SREBF2: variants seen among roughly 807,000 people sequenced by gnomAD.
The protein encoded by SREBF2 is sterol regulatory element-binding protein 2.
In SREBF2, 55 loss-of-function variants were observed where a neutral mutation model predicts 113.1. That is an observed-to-expected ratio of 0.49 (90% CI 0.39 to 0.61). The LOEUF (loss-of-function observed/expected upper bound fraction) is 0.61, where lower values mean the gene tolerates loss of function less well. Among genes scored for constraint, SREBF2 ranks in the 20% least tolerant of loss-of-function variants. The pLI, the probability that SREBF2 is intolerant of heterozygous loss-of-function variation, is 0.00. For missense variants in SREBF2, 1,349 were observed against 1,487.4 expected, an observed-to-expected ratio of 0.91 and a Z score of 1.53; for synonymous variants, 593 against 605.7, an observed-to-expected ratio of 0.98 and a Z score of 0.31.
intron 1 of SREBF2, among the ~76,000 whole-genome samples, chr22:41,851,932 A>G (rs2076935740): frequency 6.6e-6 from 1 of 152,094 alleles, no homozygotes; most frequent in Non-Finnish European, 1.5e-5. Flanking sequence ...CATCCTGGCT[A>G]ACACGGTGAA....
chr22:41,864,251 T>TACACACAC (rs1263929749), intron 1 of SREBF2, among the ~76,000 whole-genome samples: 1 of 94,854 alleles, frequency 1.1e-5, no homozygotes, highest in African/African-American at 4.2e-5. Context: ...TATATATATA[T>TACACACAC]ATATATATAT....
chr22:41,889,865 G>A (rs1044721851), intron 11 of SREBF2, among the ~76,000 whole-genome samples: 8 of 151,960 alleles, frequency 5.3e-5, no homozygotes, highest in South Asian at 2.1e-4. Flanking sequence ...GCCAGGGATC[G>A]TAGCACGCAC....
In SREBF2 at chr22:41,851,112, G is replaced by A. The variant is rs533181206; in HGVS notation, c.89-15719G>A. ...ATAACGTACTAAGTGGGTATCAGTG[G>A]TAGCTACTTTTATGTTGTCCTCATG... On this transcript the variant is annotated intron_variant, in intron 1 of 18. Transcript: ENST00000361204. Among the ~76,000 whole-genome samples the A allele has an allele frequency of 2.0e-5, 3 of 152,240 alleles. No individual in the cohort carries two copies. The East Asian group carries it at 5.8e-4, about 29-fold the overall frequency.
chr22:41,899,456 G>A (rs747397348), intron 15 of SREBF2: 200 of 996,310 alleles, frequency 2.0e-4, no homozygotes, highest in Non-Finnish European at 2.2e-4. Context: ...AATGCTCCAA[G>A]ACAGAAAGGC....
At chr22:41,853,113 C>T (rs562584382) in intron 1 of SREBF2, among the ~76,000 whole-genome samples, 6 of 152,216 alleles carry the variant, frequency 3.9e-5, no homozygotes, top group African/African-American at 1.4e-4. Flanking sequence ...TCTGCCTCCT[C>T]AACCCCATGT....
intron 11 of SREBF2, 91 bp from the exon 12 acceptor site, chr22:41,893,026 C>G: frequency 6.7e-7 from 1 of 1,493,856 alleles, no homozygotes; most frequent in Middle Eastern, 2.4e-4. Flanking sequence ...CCCCAAAGCC[C>G]ACCTCCACCA....
Position 41,833,109 on chromosome 22 carries a change from C to T in SREBF2, c.-162C>T, listed in dbSNP as rs1205547015. 5 of 517,394 alleles carry T rather than the reference C, an allele frequency of 9.7e-6. No homozygotes were observed. Among genetic ancestry groups the T allele is most frequent in the Non-Finnish European group, 1.6e-5 (5 of 308,588 alleles). The allele number at this position is 517,394 out of a possible 1,614,324, so 32.1% of individuals were successfully genotyped here. ...GCGGGGGAATCCCGCCCCGCCCTTT[C>T]TGTGCGGCGCCCGGGCGCAACGCAA... On this transcript the variant is annotated 5_prime_UTR_variant, in exon 1 of 19. Coordinates refer to ENST00000361204, the MANE Select transcript of SREBF2 (RefSeq NM_004599.4). This position sits in a 1 kb window ranked among gnomAD's most constrained non-coding sequence, Gnocchi z 4.1.
At chr22:41,901,245 C>T (rs1015566359) in intron 16 of SREBF2, among the ~76,000 whole-genome samples, 10 of 152,134 alleles carry the variant, frequency 6.6e-5, no homozygotes, top group African/African-American at 9.7e-5. Flanking sequence ...TCAGCCACTC[C>T]CTGGGGCTTG....
chr22:41,834,875 C>A (rs140644998), intron 1 of SREBF2, among the ~76,000 whole-genome samples: 1 of 152,146 alleles, frequency 6.6e-6, no homozygotes, highest in Non-Finnish European at 1.5e-5. Flanking sequence ...CTGTGCCAGA[C>A]GGTGTTAAAC....
chr22:41,877,513 G>C, intron 8 of SREBF2, 92 bp downstream of exon 8: 2 of 1,432,134 alleles, frequency 1.4e-6, no homozygotes, highest in South Asian at 2.4e-5. Context: ...TTGGCTACCA[G>C]GTCCCAAAGG....
At chr22:41,834,232 A>G (rs2076747276) in intron 1 of SREBF2, among the ~76,000 whole-genome samples, 1 of 152,246 alleles carries the variant, frequency 6.6e-6, no homozygotes, top group Non-Finnish European at 1.5e-5. Flanking sequence ...TGGTTTTTTT[A>G]TACCCCTCCT....
In SREBF2 at chr22:41,866,953, AGCAGCAGCAGCAATGGCAGGG is replaced by A. The variant is rs758741776; in HGVS notation, c.223_243del (p.Asn75_Ser81del). Reference sequence around the variant, plus strand: ...CAGCAGCGGCAGCAGTGGCAGCAGCAGCAGCAGCAGCAATGGCAGGGGCAGCAGCAGCGGAGCTGTGGACCC... The same window carrying A: ...CAGCAGCGGCAGCAGTGGCAGCAGCAGCAGCAGCAGCGGAGCTGTGGACCC... On this transcript the variant is annotated inframe_deletion, in exon 2 of 19. Coordinates refer to ENST00000361204, the MANE Select transcript of SREBF2 (RefSeq NM_004599.4). 3.7e-6 allele frequency: 6 copies of A among 1,613,828 alleles called. No individual in the cohort carries two copies. Among genetic ancestry groups the A allele is most frequent in the Admixed American group, 1.7e-5 (1 of 59,988 alleles).
At chr22:41,877,848 A>T (rs1423248590) in intron 8 of SREBF2, 94 bp from the exon 9 acceptor site, 5 of 1,316,156 alleles carry the variant, frequency 3.8e-6, no homozygotes, top group Non-Finnish European at 5.5e-6. Context: ...ATGAGGTAGA[A>T]GACTCTTTCC....
intron 1 of SREBF2, among the ~76,000 whole-genome samples, chr22:41,844,057 C>CACACACACAT (rs1396030019): frequency 1.9e-4 from 28 of 147,888 alleles, no homozygotes; most frequent in African/African-American, 7.2e-4. Context: ...CACACACACA[C>CACACACACAT]ACACACACGT....
intron 1 of SREBF2, among the ~76,000 whole-genome samples, chr22:41,834,161 C>T (rs888185919): frequency 9.2e-5 from 14 of 152,126 alleles, no homozygotes; most frequent in African/African-American, 3.4e-4. Flanking sequence ...AGAGGGTCAG[C>T]GGCTTGCTCA....
chr22:41,871,112 C>T, intron 4 of SREBF2, 77 bp downstream of exon 4: 1 of 1,584,174 alleles, frequency 6.3e-7, no homozygotes, highest in Non-Finnish European at 8.7e-7. Flanking sequence ...GATGTTAAAT[C>T]TCTATATGCT....
intron 11 of SREBF2, among the ~76,000 whole-genome samples, chr22:41,888,490 A>G (rs922973869): frequency 6.6e-6 from 1 of 152,188 alleles, no homozygotes; most frequent in Non-Finnish European, 1.5e-5. Flanking sequence ...CCACTGCACC[A>G]TCACCACCCA....
intron 7 of SREBF2, among the ~76,000 whole-genome samples, chr22:41,876,161 A>G (rs1322156557): frequency 2.6e-5 from 4 of 152,166 alleles, no homozygotes; most frequent in Non-Finnish European, 4.4e-5. Context: ...AACAGATAAC[A>G]TTTTACCTAT....
chr22:41,837,908 T>C (rs558655263), intron 1 of SREBF2, among the ~76,000 whole-genome samples: 3 of 151,172 alleles, frequency 2.0e-5, no homozygotes, highest in Non-Finnish European at 4.4e-5. Flanking sequence ...GATTTTTATA[T>C]GTTGGCTCAT....
Sources: gnomAD v4.1 joint callset for allele counts (sites outside exome capture counted in the v4.1 genomes callset) on GRCh38, gnomAD v4.1.1 for gene constraint, Gnocchi (gnomAD v3.1) non-coding constraint, MANE v1.5 for transcripts, NCBI Gene and HGNC (gene_info 2026-07-23, HGNC 2026-07-21) for gene names.